FBXO10: variants seen among roughly 807,000 people sequenced by gnomAD.
FBXO10 encodes F-box only protein 10.
Under a neutral mutation model 80.7 loss-of-function variants are expected in FBXO10, and 39 were observed. The ratio of observed to expected loss-of-function variants is 0.48; its 90% CI spans 0.37 to 0.63. FBXO10 has a LOEUF of 0.63. Ranked by LOEUF, FBXO10 falls within the 30% of genes least tolerant of loss-of-function variation. The pLI is 0.00. For missense variants in FBXO10, 1,025 were observed against 1,269.0 expected, an observed-to-expected ratio of 0.81 and a Z score of 2.92; for synonymous variants, 449 against 489.6, an observed-to-expected ratio of 0.92 and a Z score of 1.09.
chr9:37,533,656 A>G (rs1821683857), intron 3 of FBXO10, among the ~76,000 whole-genome samples: 2 of 151,932 alleles, frequency 1.3e-5, no homozygotes, highest in Non-Finnish European at 2.9e-5. Flanking sequence ...GGATCACCTG[A>G]GGTCAGGAGT....
intron 1 of FBXO10, among the ~76,000 whole-genome samples, chr9:37,547,785 G>A (rs531124632): frequency 1.7e-4 from 26 of 152,172 alleles, no homozygotes; most frequent in Non-Finnish European, 2.5e-4. Context: ...GCAAGACCCC[G>A]TCTCTACAAA....
intron 1 of FBXO10, among the ~76,000 whole-genome samples, chr9:37,554,913 T>G (rs1448729025): frequency 6.6e-6 from 1 of 152,166 alleles, no homozygotes; most frequent in Non-Finnish European, 1.5e-5. Flanking sequence ...CTTATATAAG[T>G]GTTTTTGTGG....
intron 4 of FBXO10, among the ~76,000 whole-genome samples, chr9:37,530,843 GTTGCCCA>G (rs1821603273): frequency 6.6e-6 from 1 of 152,170 alleles, no homozygotes; most frequent in Non-Finnish European, 1.5e-5. Flanking sequence ...GTCTTGCTAT[GTTGCCCA>G]GGCTGGTCTT....
At chr9:37,521,206 G>T (rs2077514791) in intron 8 of FBXO10, among the ~76,000 whole-genome samples, 1 of 152,232 alleles carries the variant, frequency 6.6e-6, no homozygotes. Context: ...GTCTGCAGAA[G>T]GCCCTGCCTG....
At chr9:37,514,449 G>T (rs770837908) in intron 10 of FBXO10, among the ~76,000 whole-genome samples, 6 of 151,938 alleles carry the variant, frequency 3.9e-5, no homozygotes, top group East Asian at 1.9e-4. Context: ...TAGAATTTTG[G>T]TTTTTTTTAA....
chr9:37,531,530 AAACT>A (rs573293057), intron 4 of FBXO10, among the ~76,000 whole-genome samples: 20 of 152,334 alleles, frequency 1.3e-4, no homozygotes, highest in African/African-American at 4.6e-4. Flanking sequence ...ACAAGTGAAT[AAACT>A]AACTTGGTGG....
intron 2 of FBXO10, among the ~76,000 whole-genome samples, chr9:37,539,681 G>C (rs1303827107): frequency 6.6e-6 from 1 of 152,216 alleles, no homozygotes; most frequent in Non-Finnish European, 1.5e-5. Context: ...CAGTTCTTCT[G>C]AAATGCTCTA....
chr9:37,570,722 C>T (rs917033710), intron 1 of FBXO10, among the ~76,000 whole-genome samples: 11 of 152,106 alleles, frequency 7.2e-5, no homozygotes, highest in East Asian at 1.9e-4. Flanking sequence ...CGGCCAGGTG[C>T]GGTGGCTCAC....
At chr9:37,566,416 C>T (rs530382516) in intron 1 of FBXO10, among the ~76,000 whole-genome samples, 7 of 147,748 alleles carry the variant, frequency 4.7e-5, no homozygotes, top group Admixed American at 1.4e-4. Flanking sequence ...TGAGATCACA[C>T]CACTGCACTG....
chr9:37,529,227 T>C lies in FBXO10; in HGVS notation c.1603A>G (p.Ile535Val), dbSNP rs1371749627. ...NQIHHGLRSGIVVLGNGKGII... is the reference protein window; with the variant it reads ...NQIHHGLRSGVVVLGNGKGII... ...CCTTTCCCATTGCCAAGGACGACAATGCCAGAGCGAAGGCCATGGTGGATC... is the reference window on the plus strand; with the variant it reads ...CCTTTCCCATTGCCAAGGACGACAACGCCAGAGCGAAGGCCATGGTGGATC... Residue 535 changes from isoleucine to valine, a missense_variant, in exon 5 of 11, where the codon ATT becomes GTT. Transcript: ENST00000432825. 1 of 1,612,358 alleles carries C rather than the reference T, an allele frequency of 6.2e-7. No homozygotes were observed.
chr9:37,536,649 C>T (rs1003825160), intron 3 of FBXO10, among the ~76,000 whole-genome samples: 3 of 152,144 alleles, frequency 2.0e-5, no homozygotes, highest in South Asian at 4.1e-4. Context: ...CCTCACTCTC[C>T]ACCCCTTCTT....
intron 1 of FBXO10, among the ~76,000 whole-genome samples, chr9:37,552,241 C>G (rs10973407): frequency 0.16 from 24,727 of 152,080 alleles, 2,400 homozygotes; most frequent in East Asian, 0.24. Flanking sequence ...CAAAACTGTT[C>G]CAGCCTCTAT....
At chr9:37,543,356 A>G (rs1048634468) in intron 1 of FBXO10, among the ~76,000 whole-genome samples, 1 of 152,192 alleles carries the variant, frequency 6.6e-6, no homozygotes, top group Non-Finnish European at 1.5e-5. Context: ...GGGGCCATCG[A>G]GCCCTTTTCC....
chr9:37,538,015 G>A, intron 2 of FBXO10, 72 bp from the exon 3 acceptor site: 2 of 1,222,856 alleles, frequency 1.6e-6, no homozygotes, highest in South Asian at 1.3e-5. Context: ...GCCCTTTAAG[G>A]AGGGTAGAAC....
chr9:37,529,037 C>A, intron 5 of FBXO10, 87 bp downstream of exon 5: 1 of 1,544,320 alleles, frequency 6.5e-7, no homozygotes, highest in Non-Finnish European at 8.8e-7. Flanking sequence ...TGCATCTGTA[C>A]AGTTGTTTCC....
At chr9:37,532,427 A>G (rs569450497) in intron 3 of FBXO10, among the ~76,000 whole-genome samples, 6 of 151,552 alleles carry the variant, frequency 4.0e-5, no homozygotes, top group East Asian at 1.9e-4. Context: ...CAGCCTCCCA[A>G]ATAGCTGGGG....
intron 1 of FBXO10, among the ~76,000 whole-genome samples, chr9:37,569,616 A>G (rs1457889549): frequency 6.6e-6 from 1 of 152,222 alleles, no homozygotes; most frequent in East Asian, 1.9e-4. Flanking sequence ...TGGAACATTT[A>G]TAAAAACTGA....
chr9:37,567,129 CT>C (rs889484709), intron 1 of FBXO10, among the ~76,000 whole-genome samples: 14 of 145,482 alleles, frequency 9.6e-5, no homozygotes, highest in Non-Finnish European at 1.1e-4. Context: ...TTTTACATGT[CT>C]TTTTTTTTTC....
rs1821791975 is a variant in FBXO10, at chr9:37,537,265, C to T, written c.1264G>A (p.Ala422Thr). 1.2e-6 allele frequency: 2 copies of T among 1,613,838 alleles called. No individual in the cohort carries two copies. Among genetic ancestry groups the T allele is most frequent in the Non-Finnish European group, 1.7e-6 (2 of 1,179,852 alleles). ...QELQKDKEAMALANSVQGCLI... is the reference protein window; with the variant it reads ...QELQKDKEAMTLANSVQGCLI... ...CAGCCCTGCACGGAGTTGGCCAGTG[C>T]CATGGCCTCCTTATCCTTCTGCAGC... The change falls in exon 3 of 11, where the codon GCA (alanine) becomes ACA (threonine). Residue 422 changes from alanine (A) to threonine (T), a missense_variant. Around this residue, in one of 3 missense-constraint regions of FBXO10, gnomAD observed 478 missense variants for 667.8 expected, o/e 0.72. Coordinates refer to ENST00000432825, the MANE Select transcript of FBXO10 (RefSeq NM_012166.3).
Sources: gnomAD v4.1 joint callset for allele counts (sites outside exome capture counted in the v4.1 genomes callset) on GRCh38, gnomAD v4.1.1 for gene constraint, gnomAD v4.1.1 regional missense constraint, MANE v1.5 for transcripts, NCBI Gene and HGNC (gene_info 2026-07-23, HGNC 2026-07-21) for gene names.